FOXP1: variants seen among roughly 807,000 people sequenced by gnomAD.
The protein encoded by FOXP1 is forkhead box P1.
In FOXP1, 15 loss-of-function variants were observed where a neutral mutation model predicts 98.2. The ratio of observed to expected loss-of-function variants is 0.15; its 90% confidence interval spans 0.10 to 0.24. FOXP1 has a LOEUF of 0.24. FOXP1 is among the 10% of genes least tolerant of loss of function. The pLI is 1.00. For synonymous variants in FOXP1, 371 were observed against 314.5 expected, an observed-to-expected ratio of 1.18 and a Z score of -1.90; for missense variants, 633 against 848.5, an observed-to-expected ratio of 0.75 and a Z score of 3.15.
In FOXP1 at chr3:70,996,867, G is replaced by C. The variant is rs138424969; in HGVS notation, c.1062+4105C>G. On this transcript the variant is annotated intron_variant, in intron 13 of 20. Transcript: ENST00000649528. ...ACTTACGTACCATGCTGAAGAGAGA[G>C]GTCTTGTGAGTCTGAGTGGCAGGGG... Among the ~76,000 whole-genome samples the C allele has an allele frequency of 4.0e-3, 602 of 152,262 alleles. 2 individuals carry two copies. Among genetic ancestry groups the C allele is most frequent in the Non-Finnish European group, 6.0e-3 (407 of 68,020 alleles).
At chr3:71,242,988 T>C (rs2067415256) in intron 5 of FOXP1, among the ~76,000 whole-genome samples, 3 of 152,156 alleles carry the variant, frequency 2.0e-5, no homozygotes, top group African/African-American at 4.8e-5. Context: ...ATGAACCTCA[T>C]TATGTGCAGG....
At chr3:71,477,928 T>C (rs1312850632) in intron 3 of FOXP1, among the ~76,000 whole-genome samples, 1 of 152,228 alleles carries the variant, frequency 6.6e-6, no homozygotes. Context: ...GCAAATCGTT[T>C]TATAATTTTG....
chr3:71,470,015 C>T lies in FOXP1; in HGVS notation c.-168+23411G>A, dbSNP rs546417580. 8.9e-4 allele frequency among the ~76,000 whole-genome samples: 135 copies of T among 152,164 alleles called. 1 individual carries two copies. The highest frequency in any genetic ancestry group is 3.4e-3 in the Middle Eastern group (1 of 292). ...ATCTCTCTCTCCTCTCGCTTTCCAA[C>T]TGCCTCCTGATTTCAAAATATTGCA... On this transcript the variant is annotated intron_variant, in intron 3 of 20. Transcript: ENST00000649528.
intron 2 of FOXP1, among the ~76,000 whole-genome samples, chr3:71,500,929 C>T (rs1487483420): frequency 6.6e-6 from 1 of 152,230 alleles, no homozygotes; most frequent in East Asian, 1.9e-4. Context: ...CAGTGGCTCA[C>T]ATCGTTAATT....
chr3:71,397,174 A>G (rs1365665901), intron 3 of FOXP1, among the ~76,000 whole-genome samples: 3 of 147,710 alleles, frequency 2.0e-5, no homozygotes, highest in Non-Finnish European at 4.5e-5. Context: ...AAGCACGTGT[A>G]CCTTTCCCAC....
chr3:71,211,459 G>C (rs962098550), intron 5 of FOXP1, among the ~76,000 whole-genome samples: 5 of 151,954 alleles, frequency 3.3e-5, no homozygotes, highest in African/African-American at 9.7e-5. Flanking sequence ...TCCCCCCTTG[G>C]CCTCCTAAAG....
At chr3:71,436,983 G>T (rs2085426343) in intron 3 of FOXP1, among the ~76,000 whole-genome samples, 1 of 152,084 alleles carries the variant, frequency 6.6e-6, no homozygotes, top group African/African-American at 2.4e-5. Context: ...ACATTATTTG[G>T]AGTTTAAGGA....
chr3:71,520,313 C>T (rs2042885524), intron 2 of FOXP1, among the ~76,000 whole-genome samples: 2 of 152,158 alleles, frequency 1.3e-5, no homozygotes, highest in Non-Finnish European at 2.9e-5. Flanking sequence ...TTTTAAAAAA[C>T]ATATATCCAT....
At chr3:71,152,303 G>A (rs7653672) in intron 6 of FOXP1, among the ~76,000 whole-genome samples, 74,996 of 151,962 alleles carry the variant, frequency 0.49, 19,121 homozygotes, top group East Asian at 0.87. Flanking sequence ...GCCTCAGGTG[G>A]GACCATAATC....
intron 2 of FOXP1, among the ~76,000 whole-genome samples, chr3:71,539,156 G>T (rs111628851): frequency 7.4e-5 from 11 of 149,380 alleles, no homozygotes; most frequent in African/African-American, 2.7e-4. Context: ...CTGTCGCCCA[G>T]GCTGGGGTGC....
At chr3:70,974,198 TTAAAAA>T (rs1343593232) in intron 17 of FOXP1, among the ~76,000 whole-genome samples, 1 of 152,140 alleles carries the variant, frequency 6.6e-6, no homozygotes, top group Non-Finnish European at 1.5e-5. Flanking sequence ...AAGGATTTGC[TTAAAAA>T]TAAAAATCTC....
chr3:71,092,382 A>G (rs569511154), intron 7 of FOXP1, among the ~76,000 whole-genome samples: 29 of 152,120 alleles, frequency 1.9e-4, no homozygotes, highest in African/African-American at 6.8e-4. Flanking sequence ...TCTCAAAAAA[A>G]GAAAAAAAAG....
chr3:71,203,938 GAGGAAGGAAGGAAGGA>G (rs3033228), intron 5 of FOXP1, among the ~76,000 whole-genome samples: 4,735 of 131,436 alleles, frequency 0.036, 249 homozygotes, highest in African/African-American at 0.12. Flanking sequence ...GAAAAGGAAG[GAGGAAGGAAGGAAGGA>G]AGGAAGGAAG....
At chr3:71,155,495 A>C (rs963620620) in intron 6 of FOXP1, among the ~76,000 whole-genome samples, 5 of 152,126 alleles carry the variant, frequency 3.3e-5, no homozygotes, top group African/African-American at 1.2e-4. Context: ...CCACATCTCC[A>C]TTTAGATTAC....
At chr3:71,052,661 G>A in intron 8 of FOXP1, 35 bp from the exon 9 acceptor site, 2 of 902,514 alleles carry the variant, frequency 2.2e-6, no homozygotes, top group Non-Finnish European at 1.9e-6. Flanking sequence ...AGTAACAGAG[G>A]GTAGCGCCAA....
At chr3:71,375,904 T>C (rs1297427111) in intron 3 of FOXP1, among the ~76,000 whole-genome samples, 1 of 152,154 alleles carries the variant, frequency 6.6e-6, no homozygotes, top group Non-Finnish European at 1.5e-5. Context: ...TTTCAAAAAT[T>C]GTATGGCTTC....
intron 5 of FOXP1, among the ~76,000 whole-genome samples, chr3:71,228,277 C>T (rs892100558): frequency 3.3e-5 from 5 of 151,580 alleles, no homozygotes; most frequent in African/African-American, 9.7e-5. Flanking sequence ...ATTCTCTATA[C>T]GCACCGAAAT....
chr3:71,091,319 G>A lies in FOXP1; in HGVS notation c.282+21217C>T, dbSNP rs139727283. Among the ~76,000 whole-genome samples the A allele has an allele frequency of 5.8e-3, 882 of 151,942 alleles. 13 individuals are homozygous for A. Among genetic ancestry groups the A allele is most frequent in the African/African-American group, 0.021 (852 of 41,452 alleles). On this transcript the variant is annotated intron_variant, in intron 7 of 20. Coordinates refer to ENST00000649528, the MANE Select transcript of FOXP1 (RefSeq NM_001349338.3). ...AGCCTGACCAACATGAAGAAACCCC[G>A]TCTCTACTAAAAATACAAATAAAAT...
intron 2 of FOXP1, among the ~76,000 whole-genome samples, chr3:71,517,536 C>T (rs1451961372): frequency 3.9e-5 from 6 of 152,194 alleles, no homozygotes; most frequent in African/African-American, 1.4e-4. Flanking sequence ...AACACAGCAA[C>T]TTGACCAATC....
Sources: gnomAD v4.1 joint callset for allele counts (sites outside exome capture counted in the v4.1 genomes callset) on GRCh38, gnomAD v4.1.1 for gene constraint, MANE v1.5 for transcripts, NCBI Gene and HGNC (gene_info 2026-07-23, HGNC 2026-07-21) for gene names.